The following ANKS1B variants were observed in gnomAD, a reference collection of about 807,000 sequenced individuals.
The protein encoded by ANKS1B is ankyrin repeat and sterile alpha motif domain containing 1B, also known as ankyrin repeat and sterile alpha motif domain-containing protein 1B.
A neutral mutation model predicts 148.3 loss-of-function variants in ANKS1B; 36 were observed. That is an observed-to-expected ratio of 0.24 (90% confidence interval 0.19 to 0.32). ANKS1B has a LOEUF of 0.32. Ranked by LOEUF, ANKS1B falls within the 10% of genes least tolerant of loss-of-function variation. The pLI is 1.00. For missense variants in ANKS1B, 1,157 were observed against 1,542.6 expected (o/e 0.75, Z 4.19); for synonymous variants, 542 against 560.8 (o/e 0.97, Z 0.47).
intron 22 of ANKS1B, among the ~76,000 whole-genome samples, chr12:98,792,686 G>T (rs1209618140): frequency 6.6e-6 from 1 of 152,082 alleles, no homozygotes; most frequent in Admixed American, 6.5e-5. Flanking sequence ...TTCCATGTAT[G>T]AGTGAAATCA....
chr12:99,355,122 T>C (rs1007197860), intron 12 of ANKS1B, among the ~76,000 whole-genome samples: 2 of 152,086 alleles, frequency 1.3e-5, no homozygotes, highest in Non-Finnish European at 2.9e-5. Flanking sequence ...GATAAAACAT[T>C]TATCTCAAAA....
intron 1 of ANKS1B, among the ~76,000 whole-genome samples, chr12:99,891,397 T>G (rs2093101140): frequency 6.6e-6 from 1 of 152,158 alleles, no homozygotes; most frequent in Admixed American, 6.5e-5. Context: ...GTGATTTTTT[T>G]AAAATAGAGA....
chr12:99,959,325 C>A (rs1376944887), intron 1 of ANKS1B, among the ~76,000 whole-genome samples: 1 of 150,996 alleles, frequency 6.6e-6, no homozygotes, highest in East Asian at 1.9e-4. Context: ...GATCCACCCG[C>A]CTCAGCCTCC....
intron 1 of ANKS1B, among the ~76,000 whole-genome samples, chr12:99,968,490 G>A (rs1042296226): frequency 5.9e-5 from 9 of 152,272 alleles, no homozygotes; most frequent in Admixed American, 2.0e-4. Context: ...CCCTGGAGGC[G>A]GCACTTGCAG....
At chr12:99,345,722 G>T (rs2090573577) in intron 12 of ANKS1B, among the ~76,000 whole-genome samples, 1 of 151,850 alleles carries the variant, frequency 6.6e-6, no homozygotes, top group Non-Finnish European at 1.5e-5. Context: ...AAGGAAGTGG[G>T]TCTCTTTTCA....
intron 8 of ANKS1B, among the ~76,000 whole-genome samples, chr12:99,717,954 A>G (rs11836512): frequency 7.7e-6 from 1 of 129,654 alleles, no homozygotes; most frequent in Non-Finnish European, 1.6e-5. Context: ...CCCAGGCTGG[A>G]GTGCAGTGGC....
At chr12:99,243,261 C>T (rs1327657412) in intron 14 of ANKS1B, among the ~76,000 whole-genome samples, 2 of 152,170 alleles carry the variant, frequency 1.3e-5, no homozygotes, top group East Asian at 3.8e-4. Context: ...ATCTAGCCAA[C>T]AGACACATGA....
At chr12:99,776,714 C>T (rs2063686568) in intron 6 of ANKS1B, among the ~76,000 whole-genome samples, 1 of 152,130 alleles carries the variant, frequency 6.6e-6, no homozygotes, top group Admixed American at 6.6e-5. Flanking sequence ...GATTCTCGCT[C>T]TGTCGCCCAG....
At chr12:99,508,025 A>C (rs1168703994) in intron 9 of ANKS1B, among the ~76,000 whole-genome samples, 2 of 151,874 alleles carry the variant, frequency 1.3e-5, no homozygotes, top group Non-Finnish European at 2.9e-5. Flanking sequence ...TATACATGTA[A>C]GTATCAATAA....
intron 1 of ANKS1B, among the ~76,000 whole-genome samples, chr12:99,952,212 T>C (rs559662223): frequency 5.3e-5 from 8 of 152,140 alleles, no homozygotes; most frequent in Admixed American, 1.3e-4. Context: ...CTTGGATACA[T>C]GAATTCATGC....
chr12:99,666,857 G>GGTGTGTGTGTGTGT (rs3083633), intron 8 of ANKS1B, among the ~76,000 whole-genome samples: 4 of 132,536 alleles, frequency 3.0e-5, no homozygotes, highest in African/African-American at 1.1e-4. Flanking sequence ...GTTACTATGG[G>GGTGTGTGTGTGTGT]GTGTGTGTGT....
intron 1 of ANKS1B, among the ~76,000 whole-genome samples, chr12:99,830,044 T>C (rs914650340): frequency 6.6e-6 from 1 of 152,202 alleles, no homozygotes; most frequent in Non-Finnish European, 1.5e-5. Flanking sequence ...GTCTTCACTA[T>C]TCAGGAAACC....
intron 12 of ANKS1B, among the ~76,000 whole-genome samples, chr12:99,291,871 T>G (rs2080050704): frequency 6.6e-6 from 1 of 152,218 alleles, no homozygotes. Flanking sequence ...ACAGCCATCT[T>G]ATCTTTGACA....
At chr12:99,254,330 G>C (rs1015357847) in intron 12 of ANKS1B, among the ~76,000 whole-genome samples, 5 of 152,204 alleles carry the variant, frequency 3.3e-5, no homozygotes, top group Middle Eastern at 3.2e-3. Context: ...GTTTCATGAA[G>C]TCAAAACAAT....
chr12:99,816,638 T>C (rs941951094), intron 2 of ANKS1B, among the ~76,000 whole-genome samples: 14 of 151,790 alleles, frequency 9.2e-5, no homozygotes, highest in African/African-American at 2.7e-4. Context: ...AGATTTCTAG[T>C]GTTAAAACAT....
chr12:99,632,727 C>CTATATATATATATATATATA lies in ANKS1B; in HGVS notation c.1272+22320_1272+22339dup, dbSNP rs3081654. 1.5e-3 allele frequency among the ~76,000 whole-genome samples: 60 copies of CTATATATATATATATATATA among 39,004 alleles called. 2 individuals are homozygous for CTATATATATATATATATATA. Among genetic ancestry groups the CTATATATATATATATATATA allele is most frequent in the South Asian group, 2.7e-3 (3 of 1,098 alleles). 25.6% of individuals were successfully genotyped at this position (39,004 alleles called of 152,430 possible). ...TTTGGCCTGTGTCTTCCTTTTCTTT[C>CTATATATATATATATATATA]TATATATATATATATATATATATAT... On this transcript the variant is annotated intron_variant, in intron 9 of 26. Transcript: ENST00000683438.
chr12:99,823,647 C>T (rs968299922), intron 2 of ANKS1B, among the ~76,000 whole-genome samples: 2 of 152,098 alleles, frequency 1.3e-5, no homozygotes, highest in African/African-American at 4.8e-5. Flanking sequence ...AAGTCTCTAT[C>T]GTGAAGTATT....
At position 99,246,341 on chromosome 12, in the gene ANKS1B, G is replaced by A; in HGVS notation, c.2280C>T (p.Ser760=). 2 of 1,613,206 alleles carry A rather than the reference G, an allele frequency of 1.2e-6. No individual in the cohort carries two copies. Among genetic ancestry groups the A allele is most frequent in the Non-Finnish European group, 1.7e-6 (2 of 1,179,558 alleles). ...KTSRVNWSES[S]TAEHSSKGNS... Reference sequence around the variant, plus strand: ...TCCCTTTAGAACTGTGTTCAGCAGTGGAAGATTCACTCCAGTTAACTCTTG... The same window carrying A: ...TCCCTTTAGAACTGTGTTCAGCAGTAGAAGATTCACTCCAGTTAACTCTTG... The change falls in exon 13 of 27, where the codon TCC becomes TCT. Residue 760 remains serine (S), a synonymous_variant. Coordinates refer to ENST00000683438, the MANE Select transcript of ANKS1B (RefSeq NM_001352186.2).
At chr12:99,698,533 G>A (rs2054280507) in intron 8 of ANKS1B, among the ~76,000 whole-genome samples, 1 of 152,006 alleles carries the variant, frequency 6.6e-6, no homozygotes, top group Non-Finnish European at 1.5e-5. Flanking sequence ...GGAACAGACA[G>A]AATTTGTGGC....
Sources: gnomAD v4.1 joint callset for allele counts (sites outside exome capture counted in the v4.1 genomes callset) on GRCh38, gnomAD v4.1.1 for gene constraint, MANE v1.5 for transcripts, NCBI Gene and HGNC (gene_info 2026-07-23, HGNC 2026-07-21) for gene names.